Variants in PITPNC1 observed in about 807,000 individuals in gnomAD.
The protein encoded by PITPNC1 is phosphatidylinositol transfer protein cytoplasmic 1, also known as cytoplasmic phosphatidylinositol transfer protein 1.
Under a neutral mutation model 44.7 loss-of-function variants are expected in PITPNC1, and 18 were observed. The observed-to-expected ratio is 0.40, with a 90% CI of 0.28 to 0.60. PITPNC1 has a LOEUF of 0.60. PITPNC1 is among the 20% of genes least tolerant of loss of function. PITPNC1 has a pLI of 0.39. For missense variants in PITPNC1, 290 were observed against 418.4 expected, an observed-to-expected ratio of 0.69 and a Z score of 2.68; for synonymous variants, 141 against 149.6, an observed-to-expected ratio of 0.94 and a Z score of 0.42.
At chr17:67,536,613 A>G (rs1037178490) in intron 2 of PITPNC1, among the ~76,000 whole-genome samples, 3 of 152,238 alleles carry the variant, frequency 2.0e-5, no homozygotes, top group Non-Finnish European at 4.4e-5. Flanking sequence ...ATAACCTCCA[A>G]GAGAAAACTT....
intron 1 of PITPNC1, among the ~76,000 whole-genome samples, chr17:67,518,662 A>G (rs980196879): frequency 2.0e-5 from 3 of 152,162 alleles, no homozygotes; most frequent in Non-Finnish European, 4.4e-5. Flanking sequence ...CAAACAAACA[A>G]AAAAAGGAAA....
intron 1 of PITPNC1, among the ~76,000 whole-genome samples, chr17:67,378,465 G>A (rs1274625594): frequency 6.6e-6 from 1 of 152,108 alleles, no homozygotes; most frequent in Admixed American, 6.5e-5. Context: ...ATCACTATGA[G>A]CCAAAGGGAG....
intron 4 of PITPNC1, among the ~76,000 whole-genome samples, chr17:67,567,223 C>G (rs888270515): frequency 1.3e-5 from 2 of 152,082 alleles, no homozygotes; most frequent in African/African-American, 4.8e-5. Flanking sequence ...CGGTGGCTCA[C>G]GCCTGTAATC....
chr17:67,451,449 C>T (rs1333868451), intron 1 of PITPNC1, among the ~76,000 whole-genome samples: 1 of 152,144 alleles, frequency 6.6e-6, no homozygotes, highest in Non-Finnish European at 1.5e-5. Context: ...GCAGCCATCA[C>T]CGCAGTCCAG....
chr17:67,487,161 C>T (rs914119761), intron 1 of PITPNC1, among the ~76,000 whole-genome samples: 2 of 152,060 alleles, frequency 1.3e-5, no homozygotes, highest in Non-Finnish European at 2.9e-5. Flanking sequence ...TTAGACCACC[C>T]CAACCACTTC....
intron 5 of PITPNC1, chr17:67,611,564 C>T (rs2041687613): frequency 6.6e-6 from 1 of 152,328 alleles, no homozygotes; most frequent in Admixed American, 6.5e-5. Flanking sequence ...ACCTCCGCCT[C>T]CTGGGTTCAA....
chr17:67,633,741 A>T (rs781700183), intron 6 of PITPNC1, among the ~76,000 whole-genome samples: 1 of 152,276 alleles, frequency 6.6e-6, no homozygotes, highest in Non-Finnish European at 1.5e-5. Context: ...CCAGTGCTTA[A>T]TGGGGCTCTG....
At chr17:67,403,278 G>A (rs1014176137) in intron 1 of PITPNC1, among the ~76,000 whole-genome samples, 4 of 146,672 alleles carry the variant, frequency 2.7e-5, no homozygotes, top group Non-Finnish European at 6.0e-5. Context: ...AAACCAGTAG[G>A]TATTTGGGTG....
At chr17:67,679,155 GT>G (rs1415337424) in intron 8 of PITPNC1, among the ~76,000 whole-genome samples, 1 of 152,208 alleles carries the variant, frequency 6.6e-6, no homozygotes, top group Non-Finnish European at 1.5e-5. Context: ...TGTAAGGACC[GT>G]TTAATTGATT....
In PITPNC1 at chr17:67,636,451, T is replaced by TGGATGCGGGAGAAGG. The variant is rs1335429604; in HGVS notation, c.462+4216_462+4230dup. On this transcript the variant is annotated intron_variant, in intron 6 of 8. Coordinates refer to ENST00000581322, the MANE Select transcript of PITPNC1 (RefSeq NM_012417.4). The stretch of plus-strand genomic sequence containing the variant: ...GCCCTGGAGTCTTACGGTTACTAAA[T>TGGATGCGGGAGAAGG]GGATGCGGGAGAAGGGGCCCCATAG... Among the ~76,000 whole-genome samples the TGGATGCGGGAGAAGG allele has an allele frequency of 3.9e-5, 6 of 152,254 alleles. No individual in the cohort carries two copies. In the East Asian group the frequency reaches 1.2e-3, roughly 29 times the overall value.
At chr17:67,610,472 T>G (rs2041673190) in intron 5 of PITPNC1, among the ~76,000 whole-genome samples, 2 of 152,174 alleles carry the variant, frequency 1.3e-5, no homozygotes, top group Non-Finnish European at 2.9e-5. Flanking sequence ...TTCATCTGAT[T>G]TTTACTTTTT....
intron 5 of PITPNC1, among the ~76,000 whole-genome samples, chr17:67,625,680 C>T (rs1323986141): frequency 6.6e-6 from 1 of 152,144 alleles, no homozygotes; most frequent in Non-Finnish European, 1.5e-5. Context: ...CTCTATGTAC[C>T]ACCCAAGTTG....
chr17:67,600,036 C>A (rs1307974743), intron 5 of PITPNC1, among the ~76,000 whole-genome samples: 1 of 152,022 alleles, frequency 6.6e-6, no homozygotes, highest in East Asian at 1.9e-4. Flanking sequence ...TAAAAGTACT[C>A]AATGCAAGCT....
At chr17:67,564,217 T>A (rs1394934867) in intron 4 of PITPNC1, among the ~76,000 whole-genome samples, 1 of 151,730 alleles carries the variant, frequency 6.6e-6, no homozygotes, top group African/African-American at 2.4e-5. Flanking sequence ...GGGGATTTGC[T>A]AGGGAAATTG....
intron 1 of PITPNC1, among the ~76,000 whole-genome samples, chr17:67,518,463 A>T (rs1366643927): frequency 1.5e-5 from 2 of 137,272 alleles, no homozygotes. Flanking sequence ...TGGTTTAAAT[A>T]AATAATGGGG....
chr17:67,379,086 T>A (rs1179514053), intron 1 of PITPNC1: 7 of 985,778 alleles, frequency 7.1e-6, no homozygotes, highest in Non-Finnish European at 8.4e-6. Context: ...CTTCCCCTTC[T>A]TCCTCCCCAC....
At chr17:67,405,052 G>T (rs1448150795) in intron 1 of PITPNC1, among the ~76,000 whole-genome samples, 1 of 152,064 alleles carries the variant, frequency 6.6e-6, no homozygotes, top group Non-Finnish European at 1.5e-5. Flanking sequence ...TTCGAGGCTA[G>T]CCTGGCCAAC....
At chr17:67,472,849 A>G (rs893899682) in intron 1 of PITPNC1, among the ~76,000 whole-genome samples, 2 of 151,748 alleles carry the variant, frequency 1.3e-5, no homozygotes, top group African/African-American at 4.8e-5. Flanking sequence ...ATTTGTGGAC[A>G]TATGCTAAAA....
At chr17:67,391,464 A>T (rs946088919) in intron 1 of PITPNC1, among the ~76,000 whole-genome samples, 1 of 152,002 alleles carries the variant, frequency 6.6e-6, no homozygotes, top group Admixed American at 6.6e-5. Context: ...TGTTGAAAAT[A>T]ACTAGTTTAT....
Sources: gnomAD v4.1 joint callset for allele counts (sites outside exome capture counted in the v4.1 genomes callset) on GRCh38, gnomAD v4.1.1 for gene constraint, MANE v1.5 for transcripts, NCBI Gene and HGNC (gene_info 2026-07-23, HGNC 2026-07-21) for gene names.